AADAT: variants seen among roughly 807,000 people sequenced by gnomAD.
AADAT encodes kynurenine/alpha-aminoadipate aminotransferase, mitochondrial.
AADAT carries 25 observed loss-of-function variants against 56.2 expected under a neutral mutation model. That is an observed-to-expected ratio of 0.44 (90% CI 0.32 to 0.62). The LOEUF (loss-of-function observed/expected upper bound fraction) is 0.62, where lower values mean the gene tolerates loss of function less well. Among genes scored for constraint, AADAT ranks in the 20% least tolerant of loss-of-function variants. The pLI, the probability that AADAT is intolerant of heterozygous loss-of-function variation, is 0.04. For missense variants in AADAT, 387 were observed against 510.5 expected, an observed-to-expected ratio of 0.76 and a Z score of 2.33; for synonymous variants, 173 against 164.7, an observed-to-expected ratio of 1.05 and a Z score of -0.39.
At chr4:170,078,653 A>AT in intron 3 of AADAT, 70 bp from the exon 4 acceptor site, 1 of 1,107,180 alleles carries the variant, frequency 9.0e-7, no homozygotes, top group Non-Finnish European at 1.3e-6. Context: ...TCAGAAGCCC[A>AT]TTTTTTAGTT....
chr4:170,083,941 T>C (rs1299080749), intron 3 of AADAT, among the ~76,000 whole-genome samples: 2 of 152,220 alleles, frequency 1.3e-5, no homozygotes, highest in African/African-American at 2.4e-5. Flanking sequence ...CCTCCATGTT[T>C]ATTATGGCAC....
intron 10 of AADAT, among the ~76,000 whole-genome samples, chr4:170,065,967 C>G (rs1731440299): frequency 5.3e-5 from 8 of 152,198 alleles, no homozygotes; most frequent in Admixed American, 4.6e-4. Flanking sequence ...AAACATTTTG[C>G]AATCAAGTTA....
chr4:170,069,009 A>C (rs1731626366), intron 7 of AADAT, 139 bp downstream of exon 7: 3 of 690,824 alleles, frequency 4.3e-6, no homozygotes, highest in African/African-American at 3.7e-5. Flanking sequence ...CTGTGTTAAT[A>C]TTAATCATGA....
chr4:170,089,494 C>T, intron 1 of AADAT, 130 bp downstream of exon 1: 1 of 990,246 alleles, frequency 1.0e-6, no homozygotes, highest in Non-Finnish European at 1.6e-6. Flanking sequence ...CACGCAGAGC[C>T]TGGCTCACCG....
At chr4:170,080,712 G>A (rs1388130019) in intron 3 of AADAT, among the ~76,000 whole-genome samples, 2 of 152,120 alleles carry the variant, frequency 1.3e-5, no homozygotes, top group Admixed American at 6.5e-5. Flanking sequence ...GGCTGTTCTC[G>A]AATTATTTAC....
At chr4:170,092,191 C>G (rs141951596), upstream of AADAT, among the ~76,000 whole-genome samples, 2 of 152,220 alleles carry the variant, frequency 1.3e-5, no homozygotes, top group Admixed American at 1.3e-4. Context: ...ACTTTTGCAG[C>G]GTGTGGTGGT....
intron 1 of AADAT, chr4:170,089,363 G>A (rs1732724039): frequency 1.7e-6 from 1 of 586,606 alleles, no homozygotes; most frequent in Admixed American, 2.9e-5. Flanking sequence ...TTCCAAGGCC[G>A]TGCCCCACAG....
rs1731321248 is a variant in AADAT at position 170,063,985 on chromosome 4, T to C, written c.1134+734A>G. Among the ~76,000 whole-genome samples, 4 of 151,992 alleles carry C rather than the reference T, an allele frequency of 2.6e-5. No homozygotes were observed. The South Asian group carries it at 8.3e-4, about 32-fold the overall frequency. Reference sequence around the variant, plus strand: ...AAAAAAAAAGAAACCTAGAATACATTCTATGAGCTAATTTTAAGTGAAAAA... The same window carrying C: ...AAAAAAAAAGAAACCTAGAATACATCCTATGAGCTAATTTTAAGTGAAAAA... On this transcript the variant is annotated intron_variant, in intron 11 of 12. Transcript: ENST00000337664.
upstream of AADAT, among the ~76,000 whole-genome samples, chr4:170,092,379 C>T (rs781175124): frequency 1.5e-4 from 23 of 152,246 alleles, no homozygotes; most frequent in African/African-American, 4.6e-4. Flanking sequence ...AGAGCTGTAA[C>T]ACTCACCGCC....
chr4:170,092,245 CTT>C (rs990330333), upstream of AADAT, among the ~76,000 whole-genome samples: 1 of 152,248 alleles, frequency 6.6e-6, no homozygotes, highest in African/African-American at 2.4e-5. Context: ...GCTGCTGACT[CTT>C]TGGGTCCACA....
chr4:170,071,026 C>T (rs781538455), intron 5 of AADAT, among the ~76,000 whole-genome samples: 1 of 152,224 alleles, frequency 6.6e-6, no homozygotes, highest in Admixed American at 6.5e-5. Flanking sequence ...GATTCTCCTG[C>T]CTCAGCCTCC....
chr4:170,068,910 A>G (rs997802979), intron 7 of AADAT, among the ~76,000 whole-genome samples: 2 of 152,230 alleles, frequency 1.3e-5, no homozygotes, highest in Non-Finnish European at 2.9e-5. Flanking sequence ...TTCATACCTG[A>G]TATCAAAAAC....
upstream of AADAT, among the ~76,000 whole-genome samples, chr4:170,093,854 T>G (rs1561030483): frequency 6.6e-6 from 1 of 152,182 alleles, no homozygotes; most frequent in Non-Finnish European, 1.5e-5. Flanking sequence ...CACTTTGGCC[T>G]CCGGAAGTGC....
chr4:170,063,326 C>G (rs1219723507), intron 11 of AADAT, among the ~76,000 whole-genome samples: 1 of 152,086 alleles, frequency 6.6e-6, no homozygotes, highest in Non-Finnish European at 1.5e-5. Context: ...AAAAAAAGAA[C>G]ATGTAGCAGG....
Position 170,068,666 on chromosome 4 carries a change from A to G in AADAT, c.825T>C (p.Thr275=). 1 of 1,602,420 alleles carries G rather than the reference A, an allele frequency of 6.2e-7. No homozygotes were observed. Among genetic ancestry groups the G allele is most frequent in the African/African-American group, 1.3e-5 (1 of 74,354 alleles). The change falls in exon 8 of 13, where the codon ACT becomes ACC. Residue 275 remains threonine, a synonymous_variant. Coordinates refer to ENST00000337664, the MANE Select transcript of AADAT (RefSeq NM_016228.4). ...ISSGLRIGFL[T]GPKPLIERVI... ...CTCTCTCTATTAAGGGTTTTGGACC[A>G]GTTAAAAATCCTATTCTCAACCTAC...
At position 170,083,874 on chromosome 4, in the gene AADAT, C is replaced by T. The variant is rs545924375; in HGVS notation, c.369+3242G>A. Among the ~76,000 whole-genome samples the T allele has an allele frequency of 5.9e-5, 9 of 152,250 alleles. No homozygotes were observed. The East Asian group carries it at 9.6e-4, about 16-fold the overall frequency. On this transcript the variant is annotated intron_variant, in intron 3 of 12. Transcript: ENST00000337664. ...AGAACTACCATATAATCCTGCAATT[C>T]CACTGCTGAGTATATATCCAAAACA...
intron 10 of AADAT, among the ~76,000 whole-genome samples, chr4:170,065,541 C>A (rs1731415717): frequency 6.6e-6 from 1 of 151,228 alleles, no homozygotes; most frequent in Non-Finnish European, 1.5e-5. Flanking sequence ...TTTTGCCTCA[C>A]CCAGGCTGGA....
At chr4:170,087,029 A>G (rs1168913003) in intron 3 of AADAT, 87 bp downstream of exon 3, 1 of 1,515,018 alleles carries the variant, frequency 6.6e-7, no homozygotes, top group Non-Finnish European at 9.0e-7. Flanking sequence ...TCCATAAAAT[A>G]TAATTCTCTG....
upstream of AADAT, among the ~76,000 whole-genome samples, chr4:170,091,857 G>C (rs1732854369): frequency 6.6e-6 from 1 of 152,190 alleles, no homozygotes; most frequent in African/African-American, 2.4e-5. Flanking sequence ...CTAGCTAAGG[G>C]ATTGTGAATA....
Sources: gnomAD v4.1 joint callset for allele counts (sites outside exome capture counted in the v4.1 genomes callset) on GRCh38, gnomAD v4.1.1 for gene constraint, MANE v1.5 for transcripts, NCBI Gene and HGNC (gene_info 2026-07-23, HGNC 2026-07-21) for gene names.